STRN: variants seen among roughly 807,000 people sequenced by gnomAD.
STRN encodes the protein striatin.
In STRN, 53 loss-of-function variants were observed where a neutral mutation model predicts 96.3. The ratio of observed to expected loss-of-function variants is 0.55; its 90% CI spans 0.44 to 0.69. STRN has a LOEUF of 0.69. Ranked by LOEUF, STRN falls within the 30% of genes least tolerant of loss-of-function variation. STRN has a pLI of 0.00. For missense variants in STRN, 987 were observed against 963.9 expected (o/e 1.02, Z -0.32); for synonymous variants, 428 against 355.9 (o/e 1.20, Z -2.28).
At chr2:36,889,398 C>A (rs1669328465) in intron 7 of STRN, among the ~76,000 whole-genome samples, 1 of 151,952 alleles carries the variant, frequency 6.6e-6, no homozygotes, top group Non-Finnish European at 1.5e-5. Flanking sequence ...AAAGACATAA[C>A]AATTAAAAAT....
At chr2:36,914,922 C>A (rs897417881) in intron 3 of STRN, among the ~76,000 whole-genome samples, 3 of 151,952 alleles carry the variant, frequency 2.0e-5, no homozygotes, top group Non-Finnish European at 4.4e-5. Context: ...TGCGGCCGGG[C>A]GTGGTGGCTC....
chr2:36,937,170 C>G (rs1284428996), intron 1 of STRN, among the ~76,000 whole-genome samples: 1 of 151,708 alleles, frequency 6.6e-6, no homozygotes. Context: ...ATGGAGAAAC[C>G]CTGTCTCTAC....
chr2:36,936,272 G>A lies in STRN; in HGVS notation c.235-11064C>T, dbSNP rs137940304. Among the ~76,000 whole-genome samples, 23 of 152,264 alleles carry A rather than the reference G, an allele frequency of 1.5e-4. No homozygotes were observed. The East Asian group carries it at 4.1e-3, about 27-fold the overall frequency. ...TGTGCTGTCCTTAGTATATGAAGAT[G>A]TAATTACTGTAGTAACAATAAAAAC... On this transcript the variant is annotated intron_variant, in intron 1 of 17. Coordinates refer to ENST00000263918, the MANE Select transcript of STRN (RefSeq NM_003162.4).
At chr2:36,890,572 C>T (rs1325726031) in intron 7 of STRN, among the ~76,000 whole-genome samples, 2 of 150,542 alleles carry the variant, frequency 1.3e-5, no homozygotes, top group African/African-American at 4.9e-5. Context: ...CAACCTCTGC[C>T]TCCCAGGTTC....
At position 36,848,613 on chromosome 2, in the gene STRN, T is replaced by C. The variant is rs1668140425; in HGVS notation, c.*843A>G. 1 of 152,218 alleles carries C rather than the reference T, an allele frequency of 6.6e-6. No individual in the cohort carries two copies. The highest frequency in any genetic ancestry group is 6.5e-5 in the Admixed American group (1 of 15,274). 9.4% of individuals were successfully genotyped at this position (152,218 alleles called of 1,614,324 possible). A position where few individuals can be genotyped will look rare whatever the true frequency, so the allele number is the denominator to read the frequency against. On this transcript the variant is annotated 3_prime_UTR_variant, in exon 18 of 18. Coordinates refer to ENST00000263918, the MANE Select transcript of STRN (RefSeq NM_003162.4). ...ATAAATGTCACATGAATAAAGTGAA[T>C]TTTAAAATAGAAATTATTAAAGAGA...
Position 36,845,923 on chromosome 2 carries a change from A to ACACACACACACACACGCATG in STRN, c.*3532_*3533insCATGCGTGTGTGTGTGTGTG, listed in dbSNP as rs1668060987. On this transcript the variant is annotated 3_prime_UTR_variant, in exon 18 of 18. Transcript: ENST00000263918. The stretch of plus-strand genomic sequence containing the variant: ...CACACACACGCATGCATGCACACAC[A>ACACACACACACACACGCATG]CACACACACACACACACACACACAC... The ACACACACACACACACGCATG allele has an allele frequency of 1.2e-5, 1 of 82,780 alleles. No homozygotes were observed. Among genetic ancestry groups the ACACACACACACACACGCATG allele is most frequent in the African/African-American group, 5.2e-5 (1 of 19,280 alleles). 5.1% of individuals were successfully genotyped at this position (82,780 alleles called of 1,614,324 possible).
At chr2:36,915,232 AATATATAT>A (rs72466696) in intron 3 of STRN, among the ~76,000 whole-genome samples, 24,045 of 86,278 alleles carry the variant, frequency 0.28, 3,492 homozygotes, top group Non-Finnish European at 0.34. Context: ...TGAATACATA[AATATATAT>A]ATATATATAT....
At chr2:36,919,011 A>G (rs1670179197) in intron 2 of STRN, among the ~76,000 whole-genome samples, 1 of 152,218 alleles carries the variant, frequency 6.6e-6, no homozygotes, top group South Asian at 2.1e-4. Flanking sequence ...ACTATAATAC[A>G]CTAAAGAAGA....
chr2:36,862,897 G>A (rs567642336), intron 12 of STRN, among the ~76,000 whole-genome samples: 14 of 152,106 alleles, frequency 9.2e-5, no homozygotes, highest in Non-Finnish European at 1.8e-4. Flanking sequence ...CACCACGCCC[G>A]TCTAATTTTT....
At chr2:36,959,245 C>T (rs1664970476) in intron 1 of STRN, among the ~76,000 whole-genome samples, 1 of 152,052 alleles carries the variant, frequency 6.6e-6, no homozygotes, top group Non-Finnish European at 1.5e-5. Context: ...AATCTTTATG[C>T]CTGTTATCTA....
At chr2:36,935,866 T>C (rs1369175156) in intron 1 of STRN, among the ~76,000 whole-genome samples, 1 of 152,212 alleles carries the variant, frequency 6.6e-6, no homozygotes, top group Non-Finnish European at 1.5e-5. Context: ...AAAGTCTGTT[T>C]TTCCTTAACC....
chr2:36,850,355 G>C (rs1413642683), intron 16 of STRN, among the ~76,000 whole-genome samples: 3 of 152,178 alleles, frequency 2.0e-5, no homozygotes, highest in African/African-American at 7.2e-5. Context: ...AGCTAATATA[G>C]GGTGCTTTCC....
intron 1 of STRN, among the ~76,000 whole-genome samples, chr2:36,946,409 G>C (rs572206598): frequency 6.6e-6 from 1 of 152,262 alleles, no homozygotes; most frequent in Admixed American, 6.5e-5. Flanking sequence ...ACTCACACTA[G>C]TAATAAAACC....
chr2:36,951,634 C>T (rs766421330), intron 1 of STRN, among the ~76,000 whole-genome samples: 1 of 152,148 alleles, frequency 6.6e-6, no homozygotes, highest in African/African-American at 2.4e-5. Flanking sequence ...TATTGAGTAA[C>T]AGTGTAACCT....
rs1477170461 is a variant in STRN, at chr2:36,847,031, A to G, written c.*2425T>C. 1 of 152,158 alleles carries G rather than the reference A, an allele frequency of 6.6e-6. No individual in the cohort carries two copies. The highest frequency in any genetic ancestry group is 2.4e-5 in the African/African-American group (1 of 41,444). The allele number at this position is 152,158 out of a possible 1,614,324, so 9.4% of individuals were successfully genotyped here. A position where few individuals can be genotyped will look rare whatever the true frequency, so the allele number is the denominator to read the frequency against. Reference sequence around the variant, plus strand: ...ACAGGCTAGGGGAAAAGTCAGACACATGTATATGCTACTCTGGTTGGAAGA... The same window carrying G: ...ACAGGCTAGGGGAAAAGTCAGACACGTGTATATGCTACTCTGGTTGGAAGA... On this transcript the variant is annotated 3_prime_UTR_variant, in exon 18 of 18. Coordinates refer to ENST00000263918, the MANE Select transcript of STRN (RefSeq NM_003162.4).
At chr2:36,897,836 G>A (rs1473632541) in intron 6 of STRN, among the ~76,000 whole-genome samples, 2 of 152,002 alleles carry the variant, frequency 1.3e-5, no homozygotes, top group Non-Finnish European at 2.9e-5. Context: ...CTCCCATGCA[G>A]TATCACACAT....
At chr2:36,930,237 G>C (rs985788980) in intron 1 of STRN, among the ~76,000 whole-genome samples, 1 of 152,026 alleles carries the variant, frequency 6.6e-6, no homozygotes, top group African/African-American at 2.4e-5. Context: ...TTCGAGACCA[G>C]CCTGACCAGT....
chr2:36,917,044 T>TAAAAAAAAAA (rs1249631668), intron 2 of STRN, among the ~76,000 whole-genome samples: 2 of 78,724 alleles, frequency 2.5e-5, no homozygotes, highest in African/African-American at 6.9e-5. Context: ...GAATGATCAA[T>TAAAAAAAAAA]AAAAAAATAA....
intron 4 of STRN, among the ~76,000 whole-genome samples, chr2:36,904,693 A>C (rs1020930876): frequency 1.3e-5 from 2 of 152,070 alleles, no homozygotes; most frequent in Non-Finnish European, 2.9e-5. Context: ...ACAGGCATAG[A>C]GGCACACACC....
Sources: allele counts gnomAD v4.1 joint callset (sites outside exome capture counted in the v4.1 genomes callset), GRCh38; gene constraint gnomAD v4.1.1; transcripts MANE v1.5; gene names NCBI Gene and HGNC (gene_info 2026-07-23, HGNC 2026-07-21).